Variants in DNM3 observed in about 807,000 individuals in gnomAD.
The protein encoded by DNM3 is dynamin-3.
Under a neutral mutation model 101.6 loss-of-function variants are expected in DNM3, and 47 were observed. That is an observed-to-expected ratio of 0.46 (90% CI 0.37 to 0.59). DNM3 has a LOEUF of 0.59. Ranked by LOEUF, DNM3 falls within the 20% of genes least tolerant of loss-of-function variation. DNM3 has a pLI of 0.00. For missense variants in DNM3, 849 were observed against 1,085.7 expected (o/e 0.78, Z 3.06); for synonymous variants, 385 against 387.9 (o/e 0.99, Z 0.09).
chr1:172,052,785 T>C (rs1044628463), intron 10 of DNM3, among the ~76,000 whole-genome samples: 3 of 152,200 alleles, frequency 2.0e-5, no homozygotes, highest in African/African-American at 7.2e-5. Context: ...GGTTTTATTC[T>C]CTTCTTACTA....
At chr1:172,109,803 T>C (rs1466514736) in intron 13 of DNM3, among the ~76,000 whole-genome samples, 1 of 152,216 alleles carries the variant, frequency 6.6e-6, no homozygotes, top group African/African-American at 2.4e-5. Context: ...CATACTTTAC[T>C]TTATTAAGTT....
chr1:172,262,219 G>A (rs1483810708), intron 15 of DNM3, among the ~76,000 whole-genome samples: 1 of 152,104 alleles, frequency 6.6e-6, no homozygotes, highest in Non-Finnish European at 1.5e-5. Context: ...TGGTGGTTGT[G>A]GGCAGTGGCA....
At chr1:172,113,130 A>C (rs2055606474) in intron 13 of DNM3, among the ~76,000 whole-genome samples, 1 of 152,206 alleles carries the variant, frequency 6.6e-6, no homozygotes, top group Admixed American at 6.5e-5. Context: ...TCCTTAGTGA[A>C]AGATTTGTCT....
At chr1:172,329,440 A>G (rs755499885) in intron 17 of DNM3, among the ~76,000 whole-genome samples, 1 of 152,156 alleles carries the variant, frequency 6.6e-6, no homozygotes, top group South Asian at 2.1e-4. Context: ...TATACAGGCT[A>G]CAACCAATAC....
At chr1:172,281,087 G>A (rs1479740004) in intron 15 of DNM3, among the ~76,000 whole-genome samples, 1 of 152,018 alleles carries the variant, frequency 6.6e-6, no homozygotes, top group Non-Finnish European at 1.5e-5. Flanking sequence ...GTGTGTGTGT[G>A]TGTGTATGTG....
chr1:171,907,963 G>A (rs2038968388), intron 1 of DNM3, among the ~76,000 whole-genome samples: 4 of 152,090 alleles, frequency 2.6e-5, no homozygotes, highest in South Asian at 2.1e-4. Flanking sequence ...TACACATAAT[G>A]TTTTCTAATC....
At chr1:172,046,885 T>G (rs1347555564) in intron 9 of DNM3, among the ~76,000 whole-genome samples, 2 of 152,222 alleles carry the variant, frequency 1.3e-5, no homozygotes, top group African/African-American at 4.8e-5. Context: ...CCAAATACAG[T>G]ATTTTTACTT....
At chr1:171,853,222 G>C (rs1440822534) in intron 1 of DNM3, among the ~76,000 whole-genome samples, 1 of 152,006 alleles carries the variant, frequency 6.6e-6, no homozygotes, top group African/African-American at 2.4e-5. Flanking sequence ...GGAGGGCAAT[G>C]GCATGAAAAC....
At chr1:172,287,555 T>C (rs1465533920) in intron 15 of DNM3, among the ~76,000 whole-genome samples, 2 of 152,062 alleles carry the variant, frequency 1.3e-5, no homozygotes, top group African/African-American at 4.8e-5. Context: ...AATTCTTATT[T>C]AATTTTCTAT....
At chr1:172,359,350 T>C (rs1468902527) in intron 17 of DNM3, among the ~76,000 whole-genome samples, 11 of 151,142 alleles carry the variant, frequency 7.3e-5, no homozygotes, top group African/African-American at 2.4e-4. Flanking sequence ...TAACTATTAC[T>C]TTTTTTTTAG....
intron 1 of DNM3, among the ~76,000 whole-genome samples, chr1:171,883,686 G>T (rs1309570237): frequency 6.6e-6 from 1 of 151,998 alleles, no homozygotes; most frequent in Non-Finnish European, 1.5e-5. Context: ...TGGTCAGGCT[G>T]GTCTCGAACT....
chr1:172,010,613 A>AT (rs749047166), intron 4 of DNM3, among the ~76,000 whole-genome samples: 7,258 of 47,206 alleles, frequency 0.15, 1,785 homozygotes, highest in Non-Finnish European at 0.21. Flanking sequence ...TATTATGGCT[A>AT]TTTTTTTTTT....
chr1:172,033,046 C>G (rs1205649306), intron 5 of DNM3, 59 bp from the exon 6 acceptor site: 1 of 1,562,328 alleles, frequency 6.4e-7, no homozygotes, highest in Non-Finnish European at 8.7e-7. Context: ...GCCTTGAAAT[C>G]TCCCTAGAAT....
chr1:172,117,018 C>T (rs1038089073), intron 13 of DNM3, among the ~76,000 whole-genome samples: 1 of 152,014 alleles, frequency 6.6e-6, no homozygotes, highest in Non-Finnish European at 1.5e-5. Context: ...CCAGCCTAAC[C>T]AACATGGAGA....
intron 13 of DNM3, among the ~76,000 whole-genome samples, chr1:172,094,739 A>G (rs2054133738): frequency 6.6e-6 from 1 of 152,218 alleles, no homozygotes; most frequent in African/African-American, 2.4e-5. Flanking sequence ...TTTAAGTACA[A>G]GAAGATTATA....
At chr1:172,375,848 A>AG (rs963997695) in intron 17 of DNM3, among the ~76,000 whole-genome samples, 1 of 151,094 alleles carries the variant, frequency 6.6e-6, no homozygotes, top group African/African-American at 2.4e-5. Context: ...ATCTCTAAAA[A>AG]AAAAAAAAAG....
chr1:171,883,499 T>C (rs1329931642), intron 1 of DNM3, among the ~76,000 whole-genome samples: 1 of 151,116 alleles, frequency 6.6e-6, no homozygotes. Flanking sequence ...TGAGATGGAG[T>C]CTCACTCTGT....
intron 14 of DNM3, among the ~76,000 whole-genome samples, chr1:172,215,573 G>A (rs1252498123): frequency 6.6e-6 from 1 of 151,410 alleles, no homozygotes; most frequent in Non-Finnish European, 1.5e-5. Flanking sequence ...TTTTATCAGA[G>A]AAAAAAATTG....
At chr1:172,305,319 T>G (rs1236184899) in intron 15 of DNM3, among the ~76,000 whole-genome samples, 1 of 152,166 alleles carries the variant, frequency 6.6e-6, no homozygotes, top group Admixed American at 6.5e-5. Context: ...TACACCATCC[T>G]AAGACTAAAC....
Sources: gnomAD v4.1 joint callset for allele counts (sites outside exome capture counted in the v4.1 genomes callset) on GRCh38, gnomAD v4.1.1 for gene constraint, MANE v1.5 for transcripts, NCBI Gene and HGNC (gene_info 2026-07-23, HGNC 2026-07-21) for gene names.